The following NUP214 variants were observed in gnomAD, a reference collection of about 807,000 sequenced individuals.
NUP214 encodes the protein nucleoporin 214.
Under a neutral mutation model 196.2 loss-of-function variants are expected in NUP214, and 79 were observed. The observed-to-expected ratio is 0.40, with a 90% CI of 0.34 to 0.49. NUP214 has a LOEUF of 0.49. Ranked by LOEUF, NUP214 falls within the 20% of genes least tolerant of loss-of-function variation. The probability of loss-of-function intolerance (pLI) is 0.58; values close to 1 mark genes in which losing one functional copy is unlikely to be tolerated. For missense variants in NUP214, 2,468 were observed against 2,539.0 expected, an observed-to-expected ratio of 0.97 and a Z score of 0.60; for synonymous variants, 1,020 against 990.5, an observed-to-expected ratio of 1.03 and a Z score of -0.56.
intron 24 of NUP214, among the ~76,000 whole-genome samples, 196 bp downstream of exon 24, chr9:131,178,606 G>A (rs932228277): frequency 6.6e-6 from 1 of 152,044 alleles, no homozygotes; most frequent in African/African-American, 2.4e-5. Flanking sequence ...GGTGACAGTT[G>A]CCTCACAAAC....
intron 21 of NUP214, chr9:131,164,840 A>G (rs890531280): frequency 3.9e-5 from 6 of 152,244 alleles, no homozygotes; most frequent in African/African-American, 1.4e-4. Context: ...AATTTAAAGA[A>G]AAATTTGTGA....
In NUP214 at chr9:131,197,219, C is replaced by T. The variant is rs777134984; in HGVS notation, c.3725C>T (p.Ala1242Val). 2.1e-5 allele frequency: 34 copies of T among 1,613,434 alleles called. No individual in the cohort carries two copies. The highest frequency in any genetic ancestry group is 2.7e-5 in the African/African-American group (2 of 74,914). ...TCTGATTTCTTTTTCTTGCTAGGGG[C>T]AACACCCTCCACTAAAGAGTCAAGC... Reference protein sequence around the residue: ...PSSNFTAAQGATPSTKESSQP... With the variant: ...PSSNFTAAQGVTPSTKESSQP... The change falls in exon 29 of 36, where the codon GCA becomes GTA. Residue 1242 changes from alanine to valine, a missense_variant. By Grantham distance (64) the Ala-to-Val change is moderately conservative (BLOSUM62 0). Around this residue, in one of 5 missense-constraint regions of NUP214, gnomAD observed 1,801 missense variants for 1,779.4 expected, o/e 1.01. Coordinates refer to ENST00000359428, the MANE Select transcript of NUP214 (RefSeq NM_005085.4).
rs1388618606 is a variant in NUP214, at chr9:131,174,235, A to G, written c.3074A>G (p.Gln1025Arg). The change falls in exon 22 of 36, where the codon CAG becomes CGG. Residue 1025 changes from glutamine (Q) to arginine (R), a missense_variant. Coordinates refer to ENST00000359428, the MANE Select transcript of NUP214 (RefSeq NM_005085.4). Reference protein sequence around the residue: ...HAPVVRTPSIQPSLLPHAAPF... With the variant: ...HAPVVRTPSIRPSLLPHAAPF... Reference sequence around the variant, plus strand: ...CCCGTGGTTCGCACTCCTTCCATCCAGCCCAGTCTCTTGCCCCATGCAGCA... The same window carrying G: ...CCCGTGGTTCGCACTCCTTCCATCCGGCCCAGTCTCTTGCCCCATGCAGCA... 5 of 1,613,886 alleles carry G rather than the reference A, an allele frequency of 3.1e-6. No individual in the cohort carries two copies. Among genetic ancestry groups the G allele is most frequent in the Middle Eastern group, 1.7e-4 (1 of 6,060 alleles).
chr9:131,179,694 C>CT (rs1480350047), intron 24 of NUP214, among the ~76,000 whole-genome samples: 1 of 152,164 alleles, frequency 6.6e-6, no homozygotes, highest in African/African-American at 2.4e-5. Flanking sequence ...CCGCTGGCCT[C>CT]TTTTTTTCCA....
intron 13 of NUP214, among the ~76,000 whole-genome samples, chr9:131,147,033 C>G (rs1246187905): frequency 1.3e-5 from 2 of 151,788 alleles, no homozygotes; most frequent in Non-Finnish European, 1.5e-5. Flanking sequence ...TTTTTTGAGA[C>G]CCTCTCACTC....
chr9:131,133,040 A>G (rs1271391942), intron 6 of NUP214, 66 bp from the exon 7 acceptor site: 1 of 1,198,426 alleles, frequency 8.3e-7, no homozygotes, highest in East Asian at 2.3e-5. Flanking sequence ...TCCAAACATA[A>G]GCTGCTTTTT....
At chr9:131,206,393 G>C (rs1017440782) in intron 30 of NUP214, among the ~76,000 whole-genome samples, 1 of 151,348 alleles carries the variant, frequency 6.6e-6, no homozygotes, top group Non-Finnish European at 1.5e-5. Context: ...CAATCTGCCT[G>C]CCTCGGCCTC....
Position 131,164,148 on chromosome 9 carries a change from AAGAGAACC to A in NUP214, c.2893+7_2893+14del. The stretch of plus-strand genomic sequence containing the variant: ...CCAGTGAGATCCACTGCTCCAGGTA[AAGAGAACC>A]AGTAACTGGGCCTGTACATAGTGAT... On this transcript the variant is annotated splice_donor_5th_base_variant and intron_variant, in intron 21 of 35. Transcript: ENST00000359428. 6.2e-7 allele frequency: 1 copy of A among 1,613,906 alleles called. No homozygotes were observed. The highest frequency in any genetic ancestry group is 1.1e-5 in the South Asian group (1 of 91,070).
At position 131,206,148 on chromosome 9, in the gene NUP214, C is replaced by CTTTTTTTTTTTTT. The variant is rs71265048; in HGVS notation, c.5592+4433_5592+4445dup. Among the ~76,000 whole-genome samples, 119 of 76,360 alleles carry CTTTTTTTTTTTTT rather than the reference C, an allele frequency of 1.6e-3. 19 individuals carry two copies. The highest frequency in any genetic ancestry group is 5.5e-3 in the African/African-American group (104 of 18,824). 50.1% of individuals were successfully genotyped at this position (76,360 alleles called of 152,430 possible). On this transcript the variant is annotated intron_variant, in intron 30 of 35. Transcript: ENST00000359428. ...TCCACATAGAATTTTTTTCTTTTTT[C>CTTTTTTTTTTTTT]TTTTTTTTTTTTTTGAGACAGGGTT...
Position 131,136,177 on chromosome 9 carries a change from C to G in NUP214, c.1005+171C>G, listed in dbSNP as rs181251813. On this transcript the variant is annotated intron_variant, in intron 9 of 35. Coordinates refer to ENST00000359428, the MANE Select transcript of NUP214 (RefSeq NM_005085.4). ...GCCTCAGCCTCCCAAGTAGCTGGGA[C>G]TGTAGGCGCGGGCCACCACACCTGG... Among the ~76,000 whole-genome samples, 193 of 152,318 alleles carry G rather than the reference C, an allele frequency of 1.3e-3. 5 individuals carry two copies. The highest frequency in any genetic ancestry group is 3.4e-3 in the Middle Eastern group (1 of 294).
intron 22 of NUP214, 34 bp downstream of exon 22, chr9:131,174,352 C>T (rs1833043007): frequency 1.3e-6 from 2 of 1,593,204 alleles, no homozygotes; most frequent in Non-Finnish European, 1.7e-6. Context: ...ACTGTTTTTC[C>T]CTATGATGTT....
chr9:131,140,493 G>A, intron 10 of NUP214, 56 bp from the exon 11 acceptor site: 2 of 1,504,190 alleles, frequency 1.3e-6, no homozygotes, highest in Non-Finnish European at 1.8e-6. Flanking sequence ...TTTGCCTTCT[G>A]GGCTCAGGCC....
chr9:131,162,693 C>T (rs1422704483), intron 18 of NUP214, among the ~76,000 whole-genome samples: 1 of 152,184 alleles, frequency 6.6e-6, no homozygotes, highest in Non-Finnish European at 1.5e-5. Flanking sequence ...TCCTGACTCA[C>T]ACCTCACTCC....
intron 12 of NUP214, among the ~76,000 whole-genome samples, chr9:131,145,718 C>G (rs1832069086): frequency 6.6e-6 from 1 of 152,152 alleles, no homozygotes; most frequent in African/African-American, 2.4e-5. Context: ...TTTTCACTCC[C>G]CAGAGAAGGT....
intron 24 of NUP214, chr9:131,187,020 G>C (rs548009319): frequency 2.4e-6 from 1 of 410,536 alleles, no homozygotes; most frequent in Admixed American, 3.7e-5. Context: ...AAAAGATCTA[G>C]TTCTGAATGG....
intron 21 of NUP214, among the ~76,000 whole-genome samples, chr9:131,166,836 C>A (rs79668707): frequency 6.6e-6 from 1 of 151,774 alleles, no homozygotes; most frequent in Non-Finnish European, 1.5e-5. Flanking sequence ...ATTGCGAGTA[C>A]AGTAAGCACC....
intron 10 of NUP214, among the ~76,000 whole-genome samples, chr9:131,139,938 A>G (rs540659017): frequency 6.6e-6 from 1 of 152,340 alleles, no homozygotes; most frequent in Non-Finnish European, 1.5e-5. Context: ...CAAAAGAAAC[A>G]GTCTTTGCCA....
Position 131,178,426 on chromosome 9 carries a change from A to G in NUP214, c.3419+16A>G, listed in dbSNP as rs202228098. On this transcript the variant is annotated intron_variant, in intron 24 of 35. Coordinates refer to ENST00000359428, the MANE Select transcript of NUP214 (RefSeq NM_005085.4). ...CAGCCATGGGGTATGTTCTGACTGCAGTGTGTTTCAGCCCCTGGCTGCTTC... is the reference window on the plus strand; with the variant it reads ...CAGCCATGGGGTATGTTCTGACTGCGGTGTGTTTCAGCCCCTGGCTGCTTC... The G allele has an allele frequency of 6.3e-7, 1 of 1,575,736 alleles. No individual in the cohort carries two copies. The highest frequency in any genetic ancestry group is 2.2e-5 in the East Asian group (1 of 44,656).
At position 131,146,357 on chromosome 9, in the gene NUP214, C is replaced by T. The variant is rs1045167736; in HGVS notation, c.1945+53C>T. 16 of 1,563,510 alleles carry T rather than the reference C, an allele frequency of 1.0e-5. No homozygotes were observed. In the African/African-American group the frequency reaches 1.5e-4, roughly 15 times the overall value. On this transcript the variant is annotated intron_variant, in intron 13 of 35. Transcript: ENST00000359428. This position sits in a 1 kb window ranked among gnomAD's most constrained non-coding sequence, Gnocchi z 4.6. ...CCTCAGCCCTGCCTTCTCAGATTAA[C>T]GGTTTTAAGTGTTAAGAGTCGTAGC...
Sources: allele counts gnomAD v4.1 joint callset (sites outside exome capture counted in the v4.1 genomes callset), GRCh38; gene constraint gnomAD v4.1.1; regional missense constraint gnomAD v4.1.1; non-coding constraint Gnocchi (gnomAD v3.1); transcripts MANE v1.5; gene names NCBI Gene and HGNC (gene_info 2026-07-23, HGNC 2026-07-21).